GINS4: variants seen among roughly 807,000 people sequenced by gnomAD.
GINS4 encodes DNA replication complex GINS protein SLD5.
A neutral mutation model predicts 31.1 loss-of-function variants in GINS4; 20 were observed. The observed-to-expected ratio is 0.64, with a 90% confidence interval of 0.45 to 0.93. GINS4 has a LOEUF of 0.93. Ranked by LOEUF, GINS4 falls within the 40% of genes least tolerant of loss-of-function variation. The pLI, the probability that GINS4 is intolerant of heterozygous loss-of-function variation, is 0.00. For missense variants in GINS4, 245 were observed against 273.9 expected (o/e 0.89, Z 0.75); for synonymous variants, 85 against 97.9 (o/e 0.87, Z 0.78).
rs565285056 is a variant in GINS4 at position 41,532,509 on chromosome 8, A to G, written c.96+2211A>G. On this transcript the variant is annotated intron_variant, in intron 2 of 7. Coordinates refer to ENST00000276533, the MANE Select transcript of GINS4 (RefSeq NM_032336.3). ...AGTTTGAGACCATCCTGAGGATCATAGCGAGATCTTATCCCAAAAAGAGAA... is the reference window on the plus strand; with the variant it reads ...AGTTTGAGACCATCCTGAGGATCATGGCGAGATCTTATCCCAAAAAGAGAA... 1.1e-4 allele frequency among the ~76,000 whole-genome samples: 16 copies of G among 152,198 alleles called. No homozygotes were observed. The South Asian group carries it at 3.3e-3, about 32-fold the overall frequency.
chr8:41,531,184 A>T (rs1394293000), intron 2 of GINS4, among the ~76,000 whole-genome samples: 1 of 152,210 alleles, frequency 6.6e-6, no homozygotes, highest in Non-Finnish European at 1.5e-5. Flanking sequence ...AGGCCGGAGG[A>T]TCACCTGAAC....
chr8:41,539,212 T>G (rs989794512), intron 4 of GINS4, among the ~76,000 whole-genome samples: 18 of 143,022 alleles, frequency 1.3e-4, no homozygotes, highest in Non-Finnish European at 4.5e-5. Flanking sequence ...CCCAGCTACT[T>G]GGGAGGCTGA....
chr8:41,531,769 C>T lies in GINS4; in HGVS notation c.96+1471C>T, dbSNP rs564218207. Among the ~76,000 whole-genome samples the T allele has an allele frequency of 4.4e-4, 67 of 152,152 alleles. 1 individual carries two copies. The South Asian group carries it at 0.013, about 31-fold the overall frequency. On this transcript the variant is annotated intron_variant, in intron 2 of 7. Coordinates refer to ENST00000276533, the MANE Select transcript of GINS4 (RefSeq NM_032336.3). ...GGAACAGCATTAAGAATTCCTGGTT[C>T]GTTAGGAAAGGGTTCATTAAACAAA...
chr8:41,540,648 G>A (rs2150461558), intron 6 of GINS4, among the ~76,000 whole-genome samples: 1 of 152,354 alleles, frequency 6.6e-6, no homozygotes, highest in East Asian at 1.9e-4. Flanking sequence ...GGGGGCCCTG[G>A]CTTACAGGAT....
chr8:41,540,324 A>G, intron 6 of GINS4: 2 of 389,812 alleles, frequency 5.1e-6, no homozygotes, highest in Non-Finnish European at 9.6e-6. Flanking sequence ...CCCGAGTACC[A>G]GCACTGCAGA....
intron 2 of GINS4, 105 bp from the exon 3 acceptor site, chr8:41,536,255 T>C: frequency 2.6e-6 from 2 of 757,560 alleles, no homozygotes; most frequent in Non-Finnish European, 4.9e-6. Context: ...GCAGACAGTT[T>C]TCTTGCCTGC....
intron 2 of GINS4, among the ~76,000 whole-genome samples, chr8:41,533,561 T>A (rs1432845220): frequency 6.6e-6 from 1 of 152,204 alleles, no homozygotes; most frequent in Non-Finnish European, 1.5e-5. Flanking sequence ...CACAGCCAGA[T>A]CCTGTCTCTT....
chr8:41,536,329 A>T, intron 2 of GINS4, 31 bp from the exon 3 acceptor site: 3 of 1,393,446 alleles, frequency 2.2e-6, no homozygotes, highest in Non-Finnish European at 3.1e-6. Context: ...GTGGTGGGTG[A>T]TGCTTGCTTT....
intron 2 of GINS4, among the ~76,000 whole-genome samples, chr8:41,532,015 C>A (rs1475348160): frequency 6.6e-6 from 1 of 152,162 alleles, no homozygotes; most frequent in East Asian, 1.9e-4. Context: ...CTGTGTTGGC[C>A]AGGCTGGTCT....
chr8:41,536,009 G>T (rs185067918), intron 2 of GINS4, among the ~76,000 whole-genome samples: 2 of 152,182 alleles, frequency 1.3e-5, no homozygotes, highest in Admixed American at 6.5e-5. Flanking sequence ...TAGACATGGG[G>T]TGGCGCTGCC....
At chr8:41,531,773 A>C (rs954150116) in intron 2 of GINS4, among the ~76,000 whole-genome samples, 1 of 152,204 alleles carries the variant, frequency 6.6e-6, no homozygotes, top group African/African-American at 2.4e-5. Context: ...CTGGTTCGTT[A>C]GGAAAGGGTT....
intron 2 of GINS4, chr8:41,534,267 C>T (rs1806703068): frequency 2.3e-6 from 1 of 429,068 alleles, no homozygotes; most frequent in Non-Finnish European, 4.7e-6. Context: ...ATTAGCCAGG[C>T]TTTGTGGTAT....
In GINS4 at chr8:41,540,315, C is replaced by T. The variant is rs1806815438; in HGVS notation, c.484+311C>T. 1.2e-5 allele frequency: 5 copies of T among 414,636 alleles called. No individual in the cohort carries two copies. In the East Asian group the frequency reaches 2.7e-4, roughly 22 times the overall value. 25.7% of individuals were successfully genotyped at this position (414,636 alleles called of 1,614,324 possible). A position where few individuals can be genotyped will look rare whatever the true frequency, so the allele number is the denominator to read the frequency against. ...GAGCCTCTGTGAGGTGCTGGCAGCC[C>T]CGAGTACCAGCACTGCAGAGCCTAC... On this transcript the variant is annotated intron_variant, in intron 6 of 7. Coordinates refer to ENST00000276533, the MANE Select transcript of GINS4 (RefSeq NM_032336.3).
intron 2 of GINS4, among the ~76,000 whole-genome samples, chr8:41,533,598 AG>A (rs1295201785): frequency 3.9e-5 from 6 of 152,242 alleles, no homozygotes; most frequent in African/African-American, 1.2e-4. Context: ...CCAAAGGGAC[AG>A]CCTGACAGGG....
At chr8:41,537,481 T>A (rs1184823816) in intron 4 of GINS4, 188 bp downstream of exon 4, 2 of 553,270 alleles carry the variant, frequency 3.6e-6, no homozygotes, top group Non-Finnish European at 6.5e-6. Flanking sequence ...CAGAGGAACG[T>A]GTGTGGCCCA....
rs780758152 is a variant in GINS4, at chr8:41,539,685, A to T, written c.305A>T (p.Lys102Met). 2.5e-5 allele frequency: 40 copies of T among 1,611,426 alleles called. 1 individual carries two copies. The South Asian group carries it at 4.4e-4, about 18-fold the overall frequency. Residue 102 changes from lysine to methionine, a missense_variant, in exon 5 of 8, where the codon AAG (lysine) becomes ATG (methionine). Physicochemically the swap from Lys to Met is moderately conservative, Grantham distance 95. Coordinates refer to ENST00000276533, the MANE Select transcript of GINS4 (RefSeq NM_032336.3). ...TTTGCTTTATCCTCACAGATAGAGA[A>T]GTTTTTCCCTCATGTCCTTGAGAAG... ...YLRCRLMKIE[K>M]FFPHVLEKEK...
chr8:41,537,450 A>T, intron 4 of GINS4, 157 bp downstream of exon 4: 1 of 579,554 alleles, frequency 1.7e-6, no homozygotes, highest in Non-Finnish European at 3.1e-6. Flanking sequence ...AAGGAGAGCG[A>T]GAGATTGCTC....
chr8:41,534,604 C>A (rs921496608), intron 2 of GINS4, among the ~76,000 whole-genome samples: 4 of 152,128 alleles, frequency 2.6e-5, no homozygotes, highest in African/African-American at 9.7e-5. Flanking sequence ...CTATCATTTT[C>A]TTTGAATATC....
At chr8:41,536,247 A>G (rs1380104979) in intron 2 of GINS4, 113 bp from the exon 3 acceptor site, 4 of 742,366 alleles carry the variant, frequency 5.4e-6, no homozygotes, top group Non-Finnish European at 7.5e-6. Context: ...GTTGGTGGGC[A>G]GACAGTTTTC....
Sources: gnomAD v4.1 joint callset for allele counts (sites outside exome capture counted in the v4.1 genomes callset) on GRCh38, gnomAD v4.1.1 for gene constraint, MANE v1.5 for transcripts, NCBI Gene and HGNC (gene_info 2026-07-23, HGNC 2026-07-21) for gene names.